MFHAS1: variants seen among roughly 807,000 people sequenced by gnomAD.
MFHAS1 encodes the protein multifunctional ROCO family signaling regulator 1, also known as malignant fibrous histiocytoma-amplified sequence 1.
In MFHAS1, 50 loss-of-function variants were observed where a neutral mutation model predicts 70.4. That is an observed-to-expected ratio of 0.71 (90% CI 0.57 to 0.90). The LOEUF (loss-of-function observed/expected upper bound fraction) is 0.90. Among genes scored for constraint, MFHAS1 ranks in the 40% least tolerant of loss-of-function variants. MFHAS1 has a pLI of 0.00. For missense variants in MFHAS1, 1,795 were observed against 1,347.6 expected (o/e 1.33, Z -5.20); for synonymous variants, 952 against 620.0 (o/e 1.54, Z -7.96).
rs140070213 is a variant in MFHAS1, at chr8:8,802,225, G to A, written c.2999-4734C>T. Among the ~76,000 whole-genome samples, 1,225 of 152,260 alleles carry A rather than the reference G, an allele frequency of 8.0e-3. 13 individuals are homozygous for A. Among genetic ancestry groups the A allele is most frequent in the African/African-American group, 0.028 (1,156 of 41,540 alleles). ...GGAAATTGAGGCTCAGATGCAAGAG[G>A]TAGTTTGCCAATGGTCACAGGAAGA... On this transcript the variant is annotated intron_variant, in intron 1 of 2. Coordinates refer to ENST00000276282, the MANE Select transcript of MFHAS1 (RefSeq NM_004225.3).
intron 1 of MFHAS1, among the ~76,000 whole-genome samples, chr8:8,881,072 C>G (rs1188447807): frequency 2.0e-5 from 3 of 152,192 alleles, no homozygotes; most frequent in African/African-American, 7.2e-5. Flanking sequence ...CTGTCTTCCT[C>G]TGCCCACATT....
At chr8:8,840,309 T>C (rs970680688) in intron 1 of MFHAS1, among the ~76,000 whole-genome samples, 1 of 151,984 alleles carries the variant, frequency 6.6e-6, no homozygotes, top group Admixed American at 6.6e-5. Flanking sequence ...ATACAAAAAT[T>C]AGCCAGGTAT....
intron 2 of MFHAS1, among the ~76,000 whole-genome samples, chr8:8,792,098 C>T (rs1277266557): frequency 5.9e-5 from 9 of 152,094 alleles, no homozygotes; most frequent in Non-Finnish European, 1.2e-4. Flanking sequence ...ATTAGCCAGG[C>T]ATGGTGGCAT....
Position 8,892,100 on chromosome 8 carries a change from C to T in MFHAS1, c.959G>A (p.Arg320Gln), listed in dbSNP as rs1272170911. The change falls in exon 1 of 3, where the codon CGG (arginine) becomes CAG (glutamine). Residue 320 changes from arginine (R) to glutamine (Q), a missense_variant. Arg to Gln is a conservative substitution (Grantham distance 43, BLOSUM62 1). Coordinates refer to ENST00000276282, the MANE Select transcript of MFHAS1 (RefSeq NM_004225.3). The surrounding 1 kb of genome is among the most constrained non-coding windows in gnomAD (Gnocchi z 4.7). ...SVPSLISGLG[R>Q]LLTLWLDNNR... ...ATTATCCAGCCACAAGGTGAGAAGC[C>T]GGCCCAGGCCCGAGATAAGGGATGG... 1 of 1,613,196 alleles carries T rather than the reference C, an allele frequency of 6.2e-7. No individual in the cohort carries two copies. Among genetic ancestry groups the T allele is most frequent in the Non-Finnish European group, 8.5e-7 (1 of 1,180,040 alleles).
chr8:8,849,766 A>G (rs1419369322), intron 1 of MFHAS1, among the ~76,000 whole-genome samples: 1 of 152,250 alleles, frequency 6.6e-6, no homozygotes, highest in African/African-American at 2.4e-5. Flanking sequence ...TTTACTTTCT[A>G]GCAAGGGCAA....
chr8:8,817,617 C>A (rs1222347401), intron 1 of MFHAS1, among the ~76,000 whole-genome samples: 1 of 152,358 alleles, frequency 6.6e-6, no homozygotes, highest in South Asian at 2.1e-4. Flanking sequence ...CCCTCCTGTT[C>A]TCCTTGCTGT....
chr8:8,865,935 C>G (rs1161316070), intron 1 of MFHAS1, among the ~76,000 whole-genome samples: 2 of 152,206 alleles, frequency 1.3e-5, no homozygotes, highest in Non-Finnish European at 2.9e-5. Context: ...CCACACCTCT[C>G]CTTGTTCAGG....
intron 2 of MFHAS1, chr8:8,790,318 A>T (rs1209952323): frequency 1.1e-6 from 1 of 947,586 alleles, no homozygotes; most frequent in Non-Finnish European, 1.3e-6. Context: ...TTTCACGGAG[A>T]CTTACCCTTA....
At chr8:8,863,264 T>C (rs1434876527) in intron 1 of MFHAS1, among the ~76,000 whole-genome samples, 2 of 152,222 alleles carry the variant, frequency 1.3e-5, no homozygotes, top group African/African-American at 2.4e-5. Flanking sequence ...CAGTGTAACT[T>C]AGAATACAGT....
chr8:8,797,266 G>T (rs1019703637), intron 2 of MFHAS1, 99 bp downstream of exon 2: 6 of 1,421,956 alleles, frequency 4.2e-6, no homozygotes, highest in South Asian at 1.3e-5. Context: ...ACTTTGCAAG[G>T]TTTGTGCAGA....
At chr8:8,877,909 C>T (rs559577607) in intron 1 of MFHAS1, among the ~76,000 whole-genome samples, 35 of 152,262 alleles carry the variant, frequency 2.3e-4, no homozygotes, top group South Asian at 1.9e-3. Flanking sequence ...AAATGCAAAA[C>T]GCATCTGTGC....
At chr8:8,846,000 C>T (rs1206147882) in intron 1 of MFHAS1, among the ~76,000 whole-genome samples, 1 of 152,072 alleles carries the variant, frequency 6.6e-6, no homozygotes, top group Non-Finnish European at 1.5e-5. Context: ...CACCTGTATT[C>T]CCAGCAGTTT....
chr8:8,852,389 G>A (rs1244127127), intron 1 of MFHAS1, among the ~76,000 whole-genome samples: 2 of 151,950 alleles, frequency 1.3e-5, no homozygotes, highest in African/African-American at 2.4e-5. Flanking sequence ...CAAGAGAATC[G>A]CTTGAACCTG....
chr8:8,821,413 G>A (rs563288840), intron 1 of MFHAS1, among the ~76,000 whole-genome samples: 6 of 152,278 alleles, frequency 3.9e-5, no homozygotes, highest in South Asian at 4.1e-4. Flanking sequence ...ATCGAAGATC[G>A]GCATGGAGAA....
At chr8:8,873,385 G>C (rs116375208) in intron 1 of MFHAS1, among the ~76,000 whole-genome samples, 2,611 of 152,066 alleles carry the variant, frequency 0.017, 78 homozygotes, top group African/African-American at 0.06. Flanking sequence ...CCAAGAACCT[G>C]ACTGGGGACT....
chr8:8,886,304 C>T (rs1809750438), intron 1 of MFHAS1, among the ~76,000 whole-genome samples: 1 of 151,918 alleles, frequency 6.6e-6, no homozygotes, highest in Non-Finnish European at 1.5e-5. Context: ...TAGCTGGGAC[C>T]ACAAGTGTGC....
chr8:8,854,897 T>C (rs1244653371), intron 1 of MFHAS1, among the ~76,000 whole-genome samples: 1 of 152,010 alleles, frequency 6.6e-6, no homozygotes, highest in Non-Finnish European at 1.5e-5. Flanking sequence ...TTTGGGTTTT[T>C]GGGGTTTTGT....
At chr8:8,795,927 T>C (rs1805876300) in intron 2 of MFHAS1, among the ~76,000 whole-genome samples, 1 of 152,184 alleles carries the variant, frequency 6.6e-6, no homozygotes, top group African/African-American at 2.4e-5. Context: ...AGAGTCGAGT[T>C]TGCTGCATGG....
Position 8,891,355 on chromosome 8 carries a change from T to A in MFHAS1, c.1704A>T (p.Gly568=). The A allele has an allele frequency of 6.2e-7, 1 of 1,611,038 alleles. No homozygotes were observed. Among genetic ancestry groups the A allele is most frequent in the Non-Finnish European group, 8.5e-7 (1 of 1,180,010 alleles). The change falls in exon 1 of 3, where the codon GGA becomes GGT. Residue 568 remains glycine (G), a synonymous_variant. Coordinates refer to ENST00000276282, the MANE Select transcript of MFHAS1 (RefSeq NM_004225.3). The surrounding 1 kb of genome is among the most constrained non-coding windows in gnomAD (Gnocchi z 5.4). ...CCACCACCTTGGCCAAGCGGCTCAGTCCCTCCGCGTCGTGCTTCTCCTGCA... is the reference window on the plus strand; with the variant it reads ...CCACCACCTTGGCCAAGCGGCTCAGACCCTCCGCGTCGTGCTTCTCCTGCA... ...IALQEKHDAE[G]LSRLAKVVDE...
Sources: allele counts gnomAD v4.1 joint callset (sites outside exome capture counted in the v4.1 genomes callset), GRCh38; gene constraint gnomAD v4.1.1; non-coding constraint Gnocchi (gnomAD v3.1); transcripts MANE v1.5; gene names NCBI Gene and HGNC (gene_info 2026-07-23, HGNC 2026-07-21).